Variants in PAPPA2 observed in about 807,000 individuals in gnomAD.
The protein encoded by PAPPA2 is pappalysin 2.
A neutral mutation model predicts 176.4 loss-of-function variants in PAPPA2; 86 were observed. The observed-to-expected ratio is 0.49, with a 90% CI of 0.41 to 0.58. The LOEUF (loss-of-function observed/expected upper bound fraction) is 0.58, where lower values mean the gene tolerates loss of function less well. Ranked by LOEUF, PAPPA2 falls within the 20% of genes least tolerant of loss-of-function variation. The probability of loss-of-function intolerance (pLI) is 0.00; values close to 1 mark genes in which losing one functional copy is unlikely to be tolerated. For missense variants in PAPPA2, 2,073 were observed against 2,256.9 expected (o/e 0.92, Z 1.65); for synonymous variants, 809 against 852.2 (o/e 0.95, Z 0.88).
chr1:176,653,447 G>C (rs541358550), intron 3 of PAPPA2, among the ~76,000 whole-genome samples: 1 of 151,780 alleles, frequency 6.6e-6, no homozygotes, highest in African/African-American at 2.4e-5. Flanking sequence ...CCTGAGACAG[G>C]AATTTGGGTA....
intron 14 of PAPPA2, among the ~76,000 whole-genome samples, chr1:176,752,781 A>G (rs1663243364): frequency 6.6e-6 from 1 of 152,214 alleles, no homozygotes; most frequent in Non-Finnish European, 1.5e-5. Context: ...TGCCATGTTA[A>G]TCTTATCTTC....
chr1:176,764,817 C>G (rs1663875520), intron 14 of PAPPA2, among the ~76,000 whole-genome samples: 1 of 152,166 alleles, frequency 6.6e-6, no homozygotes, highest in Non-Finnish European at 1.5e-5. Flanking sequence ...AGGACAGTCT[C>G]TATCTCCTGA....
intron 3 of PAPPA2, among the ~76,000 whole-genome samples, chr1:176,605,873 G>A (rs537830316): frequency 1.3e-5 from 2 of 152,212 alleles, no homozygotes; most frequent in Non-Finnish European, 2.9e-5. Flanking sequence ...TGAGGATGAA[G>A]CTTCTGACAT....
chr1:176,758,934 A>G (rs1306026644), intron 14 of PAPPA2, among the ~76,000 whole-genome samples: 1 of 152,216 alleles, frequency 6.6e-6, no homozygotes, highest in Non-Finnish European at 1.5e-5. Context: ...GTTCAACCCC[A>G]TCATTTTACT....
At position 176,658,185 on chromosome 1, in the gene PAPPA2, A is replaced by G. The variant is rs917412361; in HGVS notation, c.1992-12785A>G. Among the ~76,000 whole-genome samples, 9 of 152,164 alleles carry G rather than the reference A, an allele frequency of 5.9e-5. No homozygotes were observed. The East Asian group carries it at 1.6e-3, about 26-fold the overall frequency. ...AGTGGTGCTGGCCACACCTGGAGGA[A>G]GGAAACTGAAAGGAAATCTAAGTTC... On this transcript the variant is annotated intron_variant, in intron 3 of 22. Transcript: ENST00000367662.
Position 176,595,531 on chromosome 1 carries a change from G to C in PAPPA2, c.1927G>C (p.Asp643His). The C allele has an allele frequency of 6.2e-7, 1 of 1,614,154 alleles. No individual in the cohort carries two copies. The change falls in exon 3 of 23, where the codon GAC becomes CAC. Residue 643 changes from aspartate to histidine, a missense_variant. Physicochemically the swap from Asp to His is moderately conservative, Grantham distance 81 (BLOSUM62 -1). Coordinates refer to ENST00000367662, the MANE Select transcript of PAPPA2 (RefSeq NM_020318.3). ...NNMLNDFDDG[D>H]CCDPQVADVR... ...CATGCTGAACGACTTTGACGACGGA[G>C]ACTGCTGCGACCCCCAGGTGGCTGA...
intron 4 of PAPPA2, among the ~76,000 whole-genome samples, chr1:176,679,937 A>G (rs1659499747): frequency 6.6e-6 from 1 of 152,194 alleles, no homozygotes; most frequent in South Asian, 2.1e-4. Flanking sequence ...CTGATGTTCA[A>G]TAGGGACTCC....
intron 2 of PAPPA2, among the ~76,000 whole-genome samples, chr1:176,594,170 G>C (rs766858255): frequency 6.6e-6 from 1 of 152,186 alleles, no homozygotes; most frequent in Non-Finnish European, 1.5e-5. Context: ...AGTGAGGAAA[G>C]GCATGGACTT....
chr1:176,657,902 T>G lies in PAPPA2; in HGVS notation c.1992-13068T>G, dbSNP rs1658118689. Among the ~76,000 whole-genome samples the G allele has an allele frequency of 2.0e-5, 3 of 151,970 alleles. No homozygotes were observed. In the South Asian group the frequency reaches 6.2e-4, roughly 32 times the overall value. The stretch of plus-strand genomic sequence containing the variant: ...TACAGCAGGATAATATCAGTGAACC[T>G]AGGAGAGGGAAACAATGAGGGATTA... On this transcript the variant is annotated intron_variant, in intron 3 of 22. Transcript: ENST00000367662.
rs199524916 is a variant in PAPPA2 at position 176,556,692 on chromosome 1, G to A, written c.370G>A (p.Glu124Lys). The A allele has an allele frequency of 7.8e-5, 126 of 1,614,040 alleles. No individual in the cohort carries two copies. The highest frequency in any genetic ancestry group is 1.0e-4 in the Non-Finnish European group (118 of 1,179,982). ...NPAGLRGAVE[E>K]PAAPWVGDSP... ...AGCAGGACTGAGGGGTGCAGTTGAA[G>A]AGCCGGCTGCCCCATGGGTAGGGGA... The change falls in exon 2 of 23, where the codon GAG becomes AAG. Residue 124 changes from glutamate (E) to lysine (K), a missense_variant. Physicochemically the swap from Glu to Lys is moderately conservative, Grantham distance 56 (BLOSUM62 1). Transcript: ENST00000367662.
chr1:176,653,485 A>T (rs1657864087), intron 3 of PAPPA2, among the ~76,000 whole-genome samples: 1 of 151,772 alleles, frequency 6.6e-6, no homozygotes, highest in Non-Finnish European at 1.5e-5. Flanking sequence ...TATCCAAGGT[A>T]GATCTCCCCT....
At chr1:176,775,654 A>T (rs1664425865) in intron 17 of PAPPA2, among the ~76,000 whole-genome samples, 1 of 152,116 alleles carries the variant, frequency 6.6e-6, no homozygotes, top group South Asian at 2.1e-4. Flanking sequence ...TAATGTCCAG[A>T]TCACACCCCA....
At chr1:176,481,007 C>T (rs1652368480) in intron 1 of PAPPA2, among the ~76,000 whole-genome samples, 1 of 152,138 alleles carries the variant, frequency 6.6e-6, no homozygotes, top group Non-Finnish European at 1.5e-5. Context: ...CCTCTTGTCA[C>T]CTCGTTCTGC....
chr1:176,719,864 G>A (rs1230043025), intron 12 of PAPPA2, among the ~76,000 whole-genome samples: 1 of 152,082 alleles, frequency 6.6e-6, no homozygotes, highest in East Asian at 1.9e-4. Context: ...AGACAAAATG[G>A]TAACGTAAGT....
intron 17 of PAPPA2, among the ~76,000 whole-genome samples, chr1:176,780,221 G>A (rs1664652238): frequency 1.3e-5 from 2 of 152,316 alleles, no homozygotes. Flanking sequence ...AATCACGCCT[G>A]TCTGTGAGTC....
chr1:176,594,477 T>C, intron 2 of PAPPA2, 47 bp from the exon 3 acceptor site: 1 of 1,488,350 alleles, frequency 6.7e-7, no homozygotes, highest in Non-Finnish European at 9.2e-7. Flanking sequence ...CCATTCCCCT[T>C]TGTATCTGGT....
intron 15 of PAPPA2, among the ~76,000 whole-genome samples, chr1:176,768,932 G>A (rs1664097051): frequency 6.6e-6 from 1 of 152,206 alleles, no homozygotes; most frequent in African/African-American, 2.4e-5. Flanking sequence ...GGAGACAGAT[G>A]ACATACTCAA....
At chr1:176,491,556 A>C (rs1351697639) in intron 1 of PAPPA2, among the ~76,000 whole-genome samples, 1 of 152,208 alleles carries the variant, frequency 6.6e-6, no homozygotes, top group Non-Finnish European at 1.5e-5. Flanking sequence ...TCAGTAAAAA[A>C]TTGTAGGTAG....
At chr1:176,741,232 G>T (rs1662665733) in intron 14 of PAPPA2, among the ~76,000 whole-genome samples, 2 of 152,116 alleles carry the variant, frequency 1.3e-5, no homozygotes, top group Admixed American at 6.5e-5. Context: ...TCAGGCTGTT[G>T]GCCAAGGCTG....
Sources: gnomAD v4.1 joint callset for allele counts (sites outside exome capture counted in the v4.1 genomes callset) on GRCh38, gnomAD v4.1.1 for gene constraint, MANE v1.5 for transcripts, NCBI Gene and HGNC (gene_info 2026-07-23, HGNC 2026-07-21) for gene names.